RPAP3: variants seen among roughly 807,000 people sequenced by gnomAD.
RPAP3 encodes RNA polymerase II-associated protein 3.
In RPAP3, 58 loss-of-function variants were observed where a neutral mutation model predicts 88.8. The observed-to-expected ratio is 0.65, with a 90% CI of 0.53 to 0.81. The LOEUF is 0.81. Among genes scored for constraint, RPAP3 ranks in the 40% least tolerant of loss-of-function variants. The pLI is 0.00. For synonymous variants in RPAP3, 255 were observed against 259.9 expected (o/e 0.98, Z 0.18); for missense variants, 751 against 764.3 (o/e 0.98, Z 0.20).
intron 4 of RPAP3, among the ~76,000 whole-genome samples, chr12:47,697,072 A>C (rs980528010): frequency 6.6e-6 from 1 of 152,256 alleles, no homozygotes; most frequent in Non-Finnish European, 1.5e-5. Context: ...TCAAGAGTTT[A>C]ATCTGAAAAG....
intron 7 of RPAP3, among the ~76,000 whole-genome samples, chr12:47,688,449 T>C (rs901760249): frequency 2.0e-5 from 3 of 152,014 alleles, no homozygotes; most frequent in African/African-American, 7.3e-5. Flanking sequence ...AATATGCCCA[T>C]GTAAAAAGCC....
Position 47,670,353 on chromosome 12 carries a change from A to G in RPAP3, c.1288-8T>C. Reference sequence around the variant, plus strand: ...AACCTTCTTGAGTGGTTTCTAAAACAATTAAAATCAATTCCTTAAATCAAA... The same window carrying G: ...AACCTTCTTGAGTGGTTTCTAAAACGATTAAAATCAATTCCTTAAATCAAA... On this transcript the variant is annotated splice_polypyrimidine_tract_variant and splice_region_variant and intron_variant, in intron 12 of 16. Transcript: ENST00000005386. The G allele has an allele frequency of 7.0e-7, 1 of 1,435,178 alleles. No individual in the cohort carries two copies. Among genetic ancestry groups the G allele is most frequent in the Non-Finnish European group, 9.7e-7 (1 of 1,030,790 alleles). 88.9% of individuals were successfully genotyped at this position (1,435,178 alleles called of 1,614,324 possible). A position where few individuals can be genotyped will look rare whatever the true frequency, so the allele number is the denominator to read the frequency against.
At chr12:47,688,046 G>T in intron 7 of RPAP3, 45 bp from the exon 8 acceptor site, 1 of 1,553,514 alleles carries the variant, frequency 6.4e-7, no homozygotes. Flanking sequence ...AGTAATGCAA[G>T]ATGCATATAT....
At chr12:47,698,418 C>T (rs1939581204) in intron 3 of RPAP3, among the ~76,000 whole-genome samples, 1 of 152,150 alleles carries the variant, frequency 6.6e-6, no homozygotes, top group African/African-American at 2.4e-5. Context: ...TCTTTTGACT[C>T]ACACTACTTT....
At chr12:47,668,373 G>A (rs1938927473) in intron 14 of RPAP3, among the ~76,000 whole-genome samples, 1 of 152,002 alleles carries the variant, frequency 6.6e-6, no homozygotes, top group Non-Finnish European at 1.5e-5. Flanking sequence ...AAGAGAGACA[G>A]GAAACTTTAA....
chr12:47,701,371 C>T, intron 3 of RPAP3, 93 bp downstream of exon 3: 1 of 864,774 alleles, frequency 1.2e-6, no homozygotes, highest in Middle Eastern at 2.7e-4. Context: ...CAGGCCATAA[C>T]TCTACATTAT....
intron 8 of RPAP3, 29 bp from the exon 9 acceptor site, chr12:47,686,936 T>C (rs1465352511): frequency 3.0e-6 from 4 of 1,337,364 alleles, no homozygotes; most frequent in African/African-American, 1.5e-5. Context: ...ATATGGAGAA[T>C]AAAAAAAAAA....
chr12:47,702,904 C>T (rs1003165291), intron 1 of RPAP3, 58 bp from the exon 2 acceptor site: 1 of 1,403,978 alleles, frequency 7.1e-7, no homozygotes, highest in African/African-American at 1.5e-5. Flanking sequence ...GTTTATTTTT[C>T]TGAAAGCTAG....
At chr12:47,704,679 C>G (rs1939741025) in intron 1 of RPAP3, among the ~76,000 whole-genome samples, 1 of 151,686 alleles carries the variant, frequency 6.6e-6, no homozygotes, top group Non-Finnish European at 1.5e-5. Flanking sequence ...CGCCTGACCT[C>G]TATTTAGAGT....
Position 47,663,412 on chromosome 12 carries a change from T to A in RPAP3, c.*93A>T. ...ATGTTCAAAGATAGTCCTTTCCTGC[T>A]ATATAATTTCATTTTCTTAAAAAGC... On this transcript the variant is annotated 3_prime_UTR_variant, in exon 17 of 17. Transcript: ENST00000005386. 1.3e-6 allele frequency: 1 copy of A among 744,506 alleles called. No homozygotes were observed. Among genetic ancestry groups the A allele is most frequent in the Non-Finnish European group, 2.3e-6 (1 of 437,132 alleles). 46.1% of individuals were successfully genotyped at this position (744,506 alleles called of 1,614,324 possible). A position where few individuals can be genotyped will look rare whatever the true frequency, so the allele number is the denominator to read the frequency against.
In RPAP3 at chr12:47,662,295, A is replaced by G. The variant is rs1938775916; in HGVS notation, c.*1210T>C. The G allele has an allele frequency of 6.6e-6, 1 of 152,262 alleles. No individual in the cohort carries two copies. The highest frequency in any genetic ancestry group is 2.1e-4 in the South Asian group (1 of 4,834). 9.4% of individuals were successfully genotyped at this position (152,262 alleles called of 1,614,324 possible). On this transcript the variant is annotated 3_prime_UTR_variant, in exon 17 of 17. Transcript: ENST00000005386. Reference sequence around the variant, plus strand: ...TATATATCATAATACATTTAGCAATAAACAAAGTTAATAAACTCTATCAAG... The same window carrying G: ...TATATATCATAATACATTTAGCAATGAACAAAGTTAATAAACTCTATCAAG...
rs1268199141 is a variant in RPAP3 at position 47,662,786 on chromosome 12, A to ACAC, written c.*716_*718dup. 2 of 152,280 alleles carry ACAC rather than the reference A, an allele frequency of 1.3e-5. No individual in the cohort carries two copies. Among genetic ancestry groups the ACAC allele is most frequent in the African/African-American group, 4.8e-5 (2 of 41,468 alleles). The allele number at this position is 152,280 out of a possible 1,614,324, so 9.4% of individuals were successfully genotyped here. A position where few individuals can be genotyped will look rare whatever the true frequency, so the allele number is the denominator to read the frequency against. ...CTACTTTCAAAAGTTTACAAACGCT[A>ACAC]CACTCACATCCAACAAATACATATG... is the stretch of plus-strand genomic sequence containing the variant. On this transcript the variant is annotated 3_prime_UTR_variant, in exon 17 of 17. Transcript: ENST00000005386.
In RPAP3 at chr12:47,670,087, A is replaced by T. The variant is rs192324709; in HGVS notation, c.1526+20T>A. 2 of 1,427,512 alleles carry T rather than the reference A, an allele frequency of 1.4e-6. No individual in the cohort carries two copies. The highest frequency in any genetic ancestry group is 3.3e-5 in the Admixed American group (2 of 59,708). 88.4% of individuals were successfully genotyped at this position (1,427,512 alleles called of 1,614,324 possible). On this transcript the variant is annotated intron_variant, in intron 13 of 16. Transcript: ENST00000005386. ...TTAACCCATTCTGGATGATCAGCAA[A>T]TAACAGTATTTCTACTCACTGCAGG... is the stretch of plus-strand genomic sequence containing the variant.
rs912515426 is a variant in RPAP3 at position 47,677,735 on chromosome 12, C to T, written c.1287+1758G>A. Among the ~76,000 whole-genome samples the T allele has an allele frequency of 3.9e-5, 6 of 151,918 alleles. No individual in the cohort carries two copies. The South Asian group carries it at 6.2e-4, about 16-fold the overall frequency. On this transcript the variant is annotated intron_variant, in intron 12 of 16. Transcript: ENST00000005386. Reference sequence around the variant, plus strand: ...AGGAGAACTACAAACCACTGCTCAACGAAATAAAAGAGGACACAAACAAAT... The same window carrying T: ...AGGAGAACTACAAACCACTGCTCAATGAAATAAAAGAGGACACAAACAAAT...
intron 13 of RPAP3, among the ~76,000 whole-genome samples, chr12:47,669,337 G>A (rs990856160): frequency 6.6e-6 from 1 of 152,038 alleles, no homozygotes; most frequent in Non-Finnish European, 1.5e-5. Context: ...CCTCTGCTGG[G>A]CAGCTAACCT....
intron 12 of RPAP3, among the ~76,000 whole-genome samples, chr12:47,676,787 T>C (rs1467623500): frequency 6.6e-6 from 1 of 152,114 alleles, no homozygotes; most frequent in East Asian, 1.9e-4. Context: ...ACCAGACGGA[T>C]TCACAGCTGA....
intron 12 of RPAP3, among the ~76,000 whole-genome samples, chr12:47,676,677 C>T (rs1939122835): frequency 6.6e-6 from 1 of 152,278 alleles, no homozygotes; most frequent in Admixed American, 6.5e-5. Flanking sequence ...GACACATACA[C>T]CCTCCCAAGA....
intron 5 of RPAP3, among the ~76,000 whole-genome samples, chr12:47,693,317 G>T (rs536426536): frequency 6.6e-6 from 1 of 152,214 alleles, no homozygotes; most frequent in Admixed American, 6.5e-5. Context: ...ACAACATATG[G>T]GTGTGCTTGA....
chr12:47,665,444 A>G (rs938931106), intron 16 of RPAP3, among the ~76,000 whole-genome samples: 1 of 151,422 alleles, frequency 6.6e-6, no homozygotes, highest in African/African-American at 2.4e-5. Flanking sequence ...AAAGCTATAT[A>G]AAACCACTAT....
Sources: allele counts gnomAD v4.1 joint callset (sites outside exome capture counted in the v4.1 genomes callset), GRCh38; gene constraint gnomAD v4.1.1; transcripts MANE v1.5; gene names NCBI Gene and HGNC (gene_info 2026-07-23, HGNC 2026-07-21).